MPDZ: variants seen among roughly 807,000 people sequenced by gnomAD.
The protein encoded by MPDZ is multiple PDZ domain protein.
MPDZ carries 234 observed loss-of-function variants against 239.1 expected under a neutral mutation model. That is an observed-to-expected ratio of 0.98 (90% confidence interval 0.88 to 1.09). MPDZ has a LOEUF of 1.09. Among genes scored for constraint, MPDZ ranks in the 50% least tolerant of loss-of-function variants. The pLI is 0.00. For missense variants in MPDZ, 3,175 were observed against 2,510.0 expected (o/e 1.26, Z -5.66); for synonymous variants, 1,048 against 881.3 (o/e 1.19, Z -3.35).
At chr9:13,275,971 C>G (rs994058627) in intron 1 of MPDZ, among the ~76,000 whole-genome samples, 2 of 152,144 alleles carry the variant, frequency 1.3e-5, no homozygotes, top group Non-Finnish European at 2.9e-5. Context: ...AAGACCAAAG[C>G]CTTTCTGTGT....
chr9:13,182,230 C>A (rs1365546390), intron 19 of MPDZ, among the ~76,000 whole-genome samples: 1 of 151,908 alleles, frequency 6.6e-6, no homozygotes, highest in Admixed American at 6.6e-5. Flanking sequence ...AAAAAATTGT[C>A]CAGTCTTTTC....
intron 23 of MPDZ, 43 bp downstream of exon 23, chr9:13,162,648 C>A: frequency 7.6e-7 from 1 of 1,310,400 alleles, no homozygotes; most frequent in Non-Finnish European, 1.1e-6. Flanking sequence ...TTCTCTACAA[C>A]TTGCTGTACC....
At chr9:13,176,473 C>G (rs1166552082) in intron 19 of MPDZ, 56 bp from the exon 20 acceptor site, 2 of 1,294,108 alleles carry the variant, frequency 1.5e-6, no homozygotes, top group African/African-American at 1.5e-5. Flanking sequence ...AGAATTACAT[C>G]AATATATAAC....
intron 3 of MPDZ, among the ~76,000 whole-genome samples, chr9:13,227,798 G>A (rs1045448372): frequency 7.9e-5 from 12 of 152,110 alleles, no homozygotes; most frequent in East Asian, 5.8e-4. Context: ...CTTCATCCCT[G>A]ACCTTGAGGT....
At chr9:13,136,585 C>G in intron 30 of MPDZ, 127 bp downstream of exon 30, 1 of 668,282 alleles carries the variant, frequency 1.5e-6, no homozygotes, top group Non-Finnish European at 2.6e-6. Context: ...CTCAGCCTCC[C>G]AAAGTGCTGG....
At position 13,133,898 on chromosome 9, in the gene MPDZ, G is replaced by C. The variant is rs528622624; in HGVS notation, c.4390C>G (p.Pro1464Ala). 3.2e-6 allele frequency: 5 copies of C among 1,570,724 alleles called. No individual in the cohort carries two copies. The highest frequency in any genetic ancestry group is 4.6e-5 in the East Asian group (2 of 43,318). Residue 1464 changes from proline (P) to alanine (A), a missense_variant, in exon 32 of 47, where the codon CCA (proline) becomes GCA (alanine). Physicochemically the swap from Pro to Ala is conservative, Grantham distance 27. Coordinates refer to ENST00000319217, the MANE Select transcript of MPDZ (RefSeq NM_001378778.1). ...GCTGCATCAGAAGTAGTAACAGTTG[G>C]CTCTGTCTGACAGAGGGAAAGAAAT... ...SENLQNKETEPTVTTSDAAVD... is the reference protein window; with the variant it reads ...SENLQNKETEATVTTSDAAVD...
At chr9:13,163,529 G>C (rs546536491) in intron 22 of MPDZ, among the ~76,000 whole-genome samples, 18 of 152,246 alleles carry the variant, frequency 1.2e-4, no homozygotes, top group African/African-American at 4.3e-4. Context: ...GTAATGTTTA[G>C]AAACTGATAA....
In MPDZ at chr9:13,126,514, AC is replaced by A. The variant is rs1945141561; in HGVS notation, c.4632+1del. The A allele has an allele frequency of 1.9e-6, 3 of 1,553,646 alleles. No homozygotes were observed. Among genetic ancestry groups the A allele is most frequent in the South Asian group, 2.4e-5 (2 of 84,314 alleles). The stretch of plus-strand genomic sequence containing the variant: ...ACCATTTACTTTATTTTGGAAAATT[AC>A]CTTTTCAATAGGGTAACCAACAACA... On this transcript the variant is annotated splice_donor_variant, in intron 34 of 46. Transcript: ENST00000319217. LOFTEE classifies it high-confidence loss of function.
intron 31 of MPDZ, chr9:13,135,275 G>C (rs974352455): frequency 1.3e-5 from 2 of 152,164 alleles, no homozygotes; most frequent in African/African-American, 4.8e-5. Context: ...GCAGTATCTG[G>C]TATAAGGCAG....
At chr9:13,274,177 C>T (rs962038652) in intron 1 of MPDZ, among the ~76,000 whole-genome samples, 2 of 151,868 alleles carry the variant, frequency 1.3e-5, no homozygotes, top group Admixed American at 6.6e-5. Context: ...GTGCTATTTA[C>T]TAAAATAAAT....
chr9:13,149,179 T>A lies in MPDZ; in HGVS notation c.3630+1332A>T, dbSNP rs1948823706. On this transcript the variant is annotated intron_variant, in intron 25 of 46. Coordinates refer to ENST00000319217, the MANE Select transcript of MPDZ (RefSeq NM_001378778.1). ...AGAGAAAAAGCCTATCACTCTTCCT[T>A]ATAAACGGTCATCAAAAAAAAAAGG... 2.0e-5 allele frequency among the ~76,000 whole-genome samples: 3 copies of A among 151,892 alleles called. No individual in the cohort carries two copies. The South Asian group carries it at 6.2e-4, about 31-fold the overall frequency.
intron 22 of MPDZ, among the ~76,000 whole-genome samples, chr9:13,163,322 T>C (rs1950680705): frequency 1.3e-5 from 2 of 152,202 alleles, no homozygotes; most frequent in African/African-American, 2.4e-5. Context: ...AGTTATGAAC[T>C]CTTAAGTCTG....
chr9:13,125,249 G>C lies in MPDZ; in HGVS notation c.4774C>G (p.Gln1592Glu), dbSNP rs1406255544. Residue 1592 changes from glutamine (Q) to glutamate (E), a missense_variant, in exon 35 of 47, where the codon CAG (glutamine) becomes GAG (glutamate). Coordinates refer to ENST00000319217, the MANE Select transcript of MPDZ (RefSeq NM_001378778.1). ...GACTCCGGTTCTGGGGAGCCAGACT[G>C]TGGGACCATCAGAGACTGGGAGCTG... ...KNSSQSLMVPQSGSPEPESIR... is the reference protein window; with the variant it reads ...KNSSQSLMVPESGSPEPESIR... The C allele has an allele frequency of 1.9e-6, 3 of 1,610,904 alleles. No homozygotes were observed. The highest frequency in any genetic ancestry group is 2.5e-6 in the Non-Finnish European group (3 of 1,177,872).
At chr9:13,242,060 C>T (rs1383997012) in intron 3 of MPDZ, among the ~76,000 whole-genome samples, 2 of 151,974 alleles carry the variant, frequency 1.3e-5, no homozygotes, top group Admixed American at 1.3e-4. Context: ...GCAGAAAAAC[C>T]ATTAGTAAAT....
At chr9:13,130,513 C>T (rs940552254) in intron 32 of MPDZ, among the ~76,000 whole-genome samples, 1 of 152,152 alleles carries the variant, frequency 6.6e-6, no homozygotes, top group Non-Finnish European at 1.5e-5. Flanking sequence ...AGAATTTCTT[C>T]TCTCAGCATG....
rs1477657514 is a variant in MPDZ, at chr9:13,244,195, T to A, written c.183+3440A>T. Among the ~76,000 whole-genome samples, 4 of 152,328 alleles carry A rather than the reference T, an allele frequency of 2.6e-5. 1 individual carries two copies. In the East Asian group the frequency reaches 7.7e-4, roughly 29 times the overall value. On this transcript the variant is annotated intron_variant, in intron 3 of 46. Coordinates refer to ENST00000319217, the MANE Select transcript of MPDZ (RefSeq NM_001378778.1). ...CAATTAATTAATCAAGAGAGTAGCA[T>A]CCACCTATACTGGACTGGAGAAACT...
Position 13,123,203 on chromosome 9 carries a change from C to G in MPDZ, c.4903G>C (p.Gly1635Arg). Reference protein sequence around the residue: ...GCETTIEISKGRTGLGLSIVG... With the variant: ...GCETTIEISKRRTGLGLSIVG... The stretch of plus-strand genomic sequence containing the variant: ...ATGCTCAGGCCCAGCCCTGTTCGCC[C>G]TTTGGAAATCTCGATGGTTGTTTCG... The change falls in exon 36 of 47, where the codon GGG becomes CGG. Residue 1635 changes from glycine (G) to arginine (R), a missense_variant. Transcript: ENST00000319217. 1 of 1,613,308 alleles carries G rather than the reference C, an allele frequency of 6.2e-7. No homozygotes were observed. Among genetic ancestry groups the G allele is most frequent in the Non-Finnish European group, 8.5e-7 (1 of 1,179,824 alleles).
At chr9:13,234,698 T>G (rs1323847693) in intron 3 of MPDZ, among the ~76,000 whole-genome samples, 3 of 152,182 alleles carry the variant, frequency 2.0e-5, no homozygotes, top group African/African-American at 7.2e-5. Context: ...TGACATACAT[T>G]GCTAGTTCAG....
chr9:13,133,853 T>TA lies in MPDZ; in HGVS notation c.4434dup (p.Lys1479Ter). The TA allele has an allele frequency of 6.2e-7, 1 of 1,607,434 alleles. No individual in the cohort carries two copies. The highest frequency in any genetic ancestry group is 8.5e-7 in the Non-Finnish European group (1 of 1,175,780). Reference sequence around the variant, plus strand: ...GGAAGCTCCAGATGTTGCACATTTTTAAATGAACTGAGGTCCACAGCTGCA... The same window carrying TA: ...GGAAGCTCCAGATGTTGCACATTTTTAAAATGAACTGAGGTCCACAGCTGCA... On this transcript the variant is annotated frameshift_variant, in exon 32 of 47. Coordinates refer to ENST00000319217, the MANE Select transcript of MPDZ (RefSeq NM_001378778.1). LOFTEE classifies it high-confidence loss of function.
Sources: gnomAD v4.1 joint callset for allele counts (sites outside exome capture counted in the v4.1 genomes callset) on GRCh38, gnomAD v4.1.1 for gene constraint, MANE v1.5 for transcripts, NCBI Gene and HGNC (gene_info 2026-07-23, HGNC 2026-07-21) for gene names.